DPRX: variants seen among roughly 807,000 people sequenced by gnomAD.
DPRX encodes the protein divergent paired-related homeobox.
A neutral mutation model predicts 8.4 loss-of-function variants in DPRX; 11 were observed. The observed-to-expected ratio is 1.31, with a 90% CI of 0.82 to 2.17. DPRX has a LOEUF of 2.17. Ranked by LOEUF, DPRX falls within the 30% of genes most tolerant of loss-of-function variation. DPRX has a pLI of 0.00. For synonymous variants in DPRX, 72 were observed against 87.0 expected, an observed-to-expected ratio of 0.83 and a Z score of 0.96; for missense variants, 211 against 236.7, an observed-to-expected ratio of 0.89 and a Z score of 0.71.
At chr19:53,624,442 G>A in the DPRX span, among the ~76,000 whole-genome samples, 17 of 148,138 alleles carry the variant, frequency 1.1e-4, no homozygotes, top group Middle Eastern at 3.7e-3. Flanking sequence ...TCACTCTGTC[G>A]CCCAGGCTAG....
chr19:53,608,734 C>A, the DPRX span, among the ~76,000 whole-genome samples: 1 of 151,574 alleles, frequency 6.6e-6, no homozygotes. Context: ...GGGCGGATCA[C>A]GAGGTAAGGA....
chr19:53,626,035 C>T, the DPRX span, among the ~76,000 whole-genome samples: 1 of 152,126 alleles, frequency 6.6e-6, no homozygotes, highest in Non-Finnish European at 1.5e-5. Flanking sequence ...CTCCAAGGCT[C>T]AAGTGGTCCT....
intron 2 of DPRX, among the ~76,000 whole-genome samples, chr19:53,635,683 T>G (rs1438729829): frequency 2.0e-5 from 3 of 152,156 alleles, no homozygotes; most frequent in Non-Finnish European, 4.4e-5. Context: ...GCCTGGCCAG[T>G]AGTATTCTTT....
At chr19:53,634,769 C>G in intron 2 of DPRX, 84 bp downstream of exon 2, 1 of 1,496,494 alleles carries the variant, frequency 6.7e-7, no homozygotes, top group Non-Finnish European at 8.9e-7. Context: ...TTCCTGAGGT[C>G]TCATTCCAAT....
At chr19:53,602,692 G>C in the DPRX span, among the ~76,000 whole-genome samples, 1 of 151,876 alleles carries the variant, frequency 6.6e-6, no homozygotes, top group South Asian at 2.1e-4. Context: ...CTGCCACCGT[G>C]CTCGGCTAAT....
exon 1 of DPRX, chr19:53,632,066 T>C: frequency 1.2e-6 from 2 of 1,613,750 alleles, no homozygotes; most frequent in Non-Finnish European, 1.7e-6. Context: ...TGCTAGTTCT[T>C]ATCCCTGGAC....
At chr19:53,619,624 G>A in the DPRX span, among the ~76,000 whole-genome samples, 1 of 151,008 alleles carries the variant, frequency 6.6e-6, no homozygotes, top group South Asian at 2.1e-4. Context: ...GCGATGAGCC[G>A]AGATCGTGCC....
chr19:53,609,712 A>G, the DPRX span, among the ~76,000 whole-genome samples: 1 of 147,404 alleles, frequency 6.8e-6, no homozygotes, highest in Non-Finnish European at 1.5e-5. Flanking sequence ...CTAAAAATCC[A>G]AAAATTGGCT....
upstream of DPRX, among the ~76,000 whole-genome samples, chr19:53,627,140 C>T (rs1230296543): frequency 1.3e-5 from 2 of 152,192 alleles, no homozygotes; most frequent in East Asian, 3.8e-4. Flanking sequence ...TAGACTCCAC[C>T]CGCAGAGATT....
chr19:53,633,951 A>G (rs2091102585), intron 1 of DPRX, among the ~76,000 whole-genome samples: 1 of 152,176 alleles, frequency 6.6e-6, no homozygotes, highest in Admixed American at 6.5e-5. Context: ...TATTTAAATG[A>G]TAACAGAAAA....
upstream of DPRX, among the ~76,000 whole-genome samples, chr19:53,631,103 T>G (rs2091090925): frequency 6.6e-6 from 1 of 151,020 alleles, no homozygotes; most frequent in African/African-American, 2.4e-5. Flanking sequence ...TGCCTCAGCC[T>G]CCCAAAGTGC....
At chr19:53,616,775 G>A in the DPRX span, 1 of 1,530,238 alleles carries the variant, frequency 6.5e-7, no homozygotes, top group South Asian at 1.2e-5. Flanking sequence ...AAAAAATAGA[G>A]GCCGAGAATG....
At chr19:53,625,527 C>A in the DPRX span, among the ~76,000 whole-genome samples, 1 of 152,150 alleles carries the variant, frequency 6.6e-6, no homozygotes, top group Non-Finnish European at 1.5e-5. Flanking sequence ...GTGATGCCCA[C>A]TGCACAAGGC....
chr19:53,614,144 G>A, the DPRX span, among the ~76,000 whole-genome samples: 1 of 152,018 alleles, frequency 6.6e-6, no homozygotes, highest in Non-Finnish European at 1.5e-5. Flanking sequence ...TAGAGATGGG[G>A]TTTCACCATG....
the DPRX span, among the ~76,000 whole-genome samples, chr19:53,610,792 C>T: frequency 6.6e-6 from 1 of 152,024 alleles, no homozygotes; most frequent in African/African-American, 2.4e-5. Flanking sequence ...TTATGTGTAC[C>T]CGGAGACAAT....
the DPRX span, among the ~76,000 whole-genome samples, chr19:53,608,980 G>A: frequency 6.3e-4 from 74 of 118,320 alleles, 1 homozygote; most frequent in East Asian, 1.0e-3. Flanking sequence ...AAAAAGGAAA[G>A]AAAAGAAAGA....
chr19:53,632,750 G>A (rs1348926903), intron 1 of DPRX, among the ~76,000 whole-genome samples: 4 of 152,150 alleles, frequency 2.6e-5, no homozygotes, highest in African/African-American at 7.2e-5. Context: ...GGCCGCGGCT[G>A]TCATCTGACA....
chr19:53,623,101 C>T, the DPRX span, among the ~76,000 whole-genome samples: 6 of 149,640 alleles, frequency 4.0e-5, no homozygotes, highest in Non-Finnish European at 7.4e-5. Context: ...GTCAGGAGAT[C>T]GAGACCATCC....
chr19:53,618,070 A>G, the DPRX span, among the ~76,000 whole-genome samples: 1 of 151,354 alleles, frequency 6.6e-6, no homozygotes, highest in Non-Finnish European at 1.5e-5. Context: ...TGAACCTGGG[A>G]GGCGGAGGCT....
Sources: allele counts gnomAD v4.1 joint callset (sites outside exome capture counted in the v4.1 genomes callset), GRCh38; gene constraint gnomAD v4.1.1; transcripts MANE v1.5; gene names NCBI Gene and HGNC (gene_info 2026-07-23, HGNC 2026-07-21).